The following PIBF1 variants were observed in gnomAD, a reference collection of about 807,000 sequenced individuals.
The protein encoded by PIBF1 is progesterone immunomodulatory binding factor 1.
A neutral mutation model predicts 112.5 loss-of-function variants in PIBF1; 90 were observed. That is an observed-to-expected ratio of 0.80 (90% CI 0.67 to 0.95). The LOEUF (loss-of-function observed/expected upper bound fraction) is 0.95, where lower values mean the gene tolerates loss of function less well. PIBF1 is among the 40% of genes least tolerant of loss of function. The pLI is 0.00. For synonymous variants in PIBF1, 301 were observed against 288.6 expected (o/e 1.04, Z -0.44); for missense variants, 915 against 852.3 (o/e 1.07, Z -0.92).
chr13:72,838,845 G>A (rs57162860), intron 9 of PIBF1, among the ~76,000 whole-genome samples: 3,079 of 152,262 alleles, frequency 0.02, 100 homozygotes, highest in African/African-American at 0.07. Context: ...GGAAGGAAAG[G>A]AAATTGGGGG....
At chr13:73,001,167 T>C (rs1273659867) in intron 17 of PIBF1, among the ~76,000 whole-genome samples, 1 of 152,214 alleles carries the variant, frequency 6.6e-6, no homozygotes, top group Non-Finnish European at 1.5e-5. Context: ...TGGGAGGTTA[T>C]AATGAAATGA....
chr13:73,001,781 G>A (rs1314969760), intron 17 of PIBF1, among the ~76,000 whole-genome samples: 4 of 151,624 alleles, frequency 2.6e-5, no homozygotes, highest in East Asian at 3.9e-4. Context: ...GTGCCACAAC[G>A]CCCAGCTGAT....
intron 11 of PIBF1, among the ~76,000 whole-genome samples, chr13:72,900,725 C>T (rs2138611660): frequency 6.6e-6 from 1 of 152,212 alleles, no homozygotes; most frequent in Non-Finnish European, 1.5e-5. Flanking sequence ...AAAGCAATTG[C>T]AATAAAAACA....
Position 72,999,014 on chromosome 13 carries a change from A to T in PIBF1, c.2223+19A>T. 6.8e-7 allele frequency: 1 copy of T among 1,468,864 alleles called. No individual in the cohort carries two copies. Among genetic ancestry groups the T allele is most frequent in the Non-Finnish European group, 9.3e-7 (1 of 1,076,650 alleles). The allele number at this position is 1,468,864 out of a possible 1,614,324, so 91.0% of individuals were successfully genotyped here. On this transcript the variant is annotated intron_variant, in intron 17 of 17. Transcript: ENST00000326291. ...ACTCTTTGTAAGTACAATTTTTAAA[A>T]CTCATAATTTTAATATTCCTGATTC...
chr13:72,901,750 G>T (rs980018630), intron 11 of PIBF1, among the ~76,000 whole-genome samples: 4 of 151,610 alleles, frequency 2.6e-5, no homozygotes, highest in African/African-American at 7.3e-5. Flanking sequence ...ACACTTCTAC[G>T]TTTCTGGTGG....
At chr13:73,012,722 T>C (rs575388951) in intron 17 of PIBF1, among the ~76,000 whole-genome samples, 2 of 151,994 alleles carry the variant, frequency 1.3e-5, no homozygotes, top group South Asian at 4.2e-4. Flanking sequence ...GCCACTGCAC[T>C]GTAGTCTAGG....
At chr13:72,820,289 C>T (rs1186392881) in intron 5 of PIBF1, among the ~76,000 whole-genome samples, 2 of 152,110 alleles carry the variant, frequency 1.3e-5, no homozygotes, top group South Asian at 2.1e-4. Flanking sequence ...TAACACTATA[C>T]TCTCTTCCAA....
Position 72,965,271 on chromosome 13 carries a change from T to A in PIBF1, c.1834-3T>A. 6.2e-7 allele frequency: 1 copy of A among 1,606,794 alleles called. No individual in the cohort carries two copies. Among genetic ancestry groups the A allele is most frequent in the Non-Finnish European group, 8.5e-7 (1 of 1,177,780 alleles). ...GATTTTAATGAAACCTGTGTTTCTT[T>A]AGCTTGACAGAGCCAATTCGCTATT... is the stretch of plus-strand genomic sequence containing the variant. On this transcript the variant is annotated splice_region_variant and splice_polypyrimidine_tract_variant and intron_variant, in intron 14 of 17. Transcript: ENST00000326291.
chr13:72,942,617 G>A lies in PIBF1; in HGVS notation c.1833+11350G>A, dbSNP rs140363560. On this transcript the variant is annotated intron_variant, in intron 14 of 17. Coordinates refer to ENST00000326291, the MANE Select transcript of PIBF1 (RefSeq NM_006346.4). Reference sequence around the variant, plus strand: ...GCTTTATCAACAGCAATTATAAGATGTATGCTATTTTCATAGAAGAGATTA... The same window carrying A: ...GCTTTATCAACAGCAATTATAAGATATATGCTATTTTCATAGAAGAGATTA... 1.2e-3 allele frequency among the ~76,000 whole-genome samples: 190 copies of A among 152,254 alleles called. 1 individual carries two copies. The highest frequency in any genetic ancestry group is 4.5e-3 in the African/African-American group (187 of 41,542).
intron 11 of PIBF1, among the ~76,000 whole-genome samples, chr13:72,903,189 G>A (rs112169075): frequency 0.028 from 4,189 of 152,130 alleles, 190 homozygotes; most frequent in African/African-American, 0.095. Flanking sequence ...GTGAGCCACC[G>A]CGCCCAGCCA....
intron 14 of PIBF1, among the ~76,000 whole-genome samples, chr13:72,954,882 A>G (rs2042400176): frequency 6.6e-6 from 1 of 152,140 alleles, no homozygotes; most frequent in Non-Finnish European, 1.5e-5. Context: ...GTATGCTAAC[A>G]CTGTCTCCAG....
At chr13:72,952,725 C>CTG (rs201710178) in intron 14 of PIBF1, among the ~76,000 whole-genome samples, 18 of 49,686 alleles carry the variant, frequency 3.6e-4, no homozygotes, top group African/African-American at 1.6e-3. Context: ...AGTGTGAAGA[C>CTG]TCTGAGTTCC....
chr13:72,948,694 AT>A (rs1234052830), intron 14 of PIBF1, among the ~76,000 whole-genome samples: 1 of 152,230 alleles, frequency 6.6e-6, no homozygotes, highest in Non-Finnish European at 1.5e-5. Context: ...GGTTTAATTG[AT>A]TCACAGATCC....
Position 72,916,971 on chromosome 13 carries a change from T to C in PIBF1, c.1640-105T>C, listed in dbSNP as rs1280004686. 4.8e-5 allele frequency: 29 copies of C among 599,766 alleles called. No individual in the cohort carries two copies. In the Admixed American group the frequency reaches 9.5e-4, roughly 20 times the overall value. The allele number at this position is 599,766 out of a possible 1,614,324, so 37.2% of individuals were successfully genotyped here. A position where few individuals can be genotyped will look rare whatever the true frequency, so the allele number is the denominator to read the frequency against. On this transcript the variant is annotated intron_variant, in intron 12 of 17. Coordinates refer to ENST00000326291, the MANE Select transcript of PIBF1 (RefSeq NM_006346.4). ...ATTACATATTAGCCCTTTCTAATGT[T>C]TTTATCCTCCCTAATTTGTTATAAC...
chr13:72,825,230 A>G (rs1481254278), intron 6 of PIBF1, among the ~76,000 whole-genome samples: 1 of 152,232 alleles, frequency 6.6e-6, no homozygotes, highest in Non-Finnish European at 1.5e-5. Flanking sequence ...ACAAAATTTG[A>G]AAATGGATTG....
chr13:72,809,984 C>T (rs1056708329), intron 5 of PIBF1, among the ~76,000 whole-genome samples: 1 of 152,032 alleles, frequency 6.6e-6, no homozygotes, highest in Non-Finnish European at 1.5e-5. Flanking sequence ...TTTTCCAGAT[C>T]TTTAGTTATT....
chr13:72,809,132 C>CTTTTTTTT (rs35219701), intron 5 of PIBF1, among the ~76,000 whole-genome samples: 27 of 74,834 alleles, frequency 3.6e-4, no homozygotes, highest in African/African-American at 9.3e-4. Context: ...GTATATGTCC[C>CTTTTTTTT]TTTTTTTTTT....
intron 5 of PIBF1, among the ~76,000 whole-genome samples, chr13:72,801,108 G>A (rs2035448576): frequency 6.6e-6 from 1 of 152,160 alleles, no homozygotes; most frequent in South Asian, 2.1e-4. Flanking sequence ...GAGGAGGATA[G>A]TTGTAGTTAA....
At chr13:72,863,585 G>A (rs1426717744) in intron 10 of PIBF1, among the ~76,000 whole-genome samples, 4 of 149,564 alleles carry the variant, frequency 2.7e-5, no homozygotes, top group African/African-American at 9.9e-5. Context: ...GTGAACCCAG[G>A]AAGCGGAGCT....
Sources: allele counts gnomAD v4.1 joint callset (sites outside exome capture counted in the v4.1 genomes callset), GRCh38; gene constraint gnomAD v4.1.1; transcripts MANE v1.5; gene names NCBI Gene and HGNC (gene_info 2026-07-23, HGNC 2026-07-21).